The following FAM13C variants were observed in gnomAD, a reference collection of about 807,000 sequenced individuals.
FAM13C encodes the protein family with sequence similarity 13 member C.
Under a neutral mutation model 73.2 loss-of-function variants are expected in FAM13C, and 37 were observed. That is an observed-to-expected ratio of 0.51 (90% CI 0.39 to 0.67). The LOEUF (loss-of-function observed/expected upper bound fraction) is 0.67. Among genes scored for constraint, FAM13C ranks in the 30% least tolerant of loss-of-function variants. FAM13C has a pLI of 0.00. For synonymous variants in FAM13C, 246 were observed against 260.9 expected, an observed-to-expected ratio of 0.94 and a Z score of 0.55; for missense variants, 589 against 715.6, an observed-to-expected ratio of 0.82 and a Z score of 2.02.
chr10:59,267,282 A>G (rs937901133), intron 8 of FAM13C, among the ~76,000 whole-genome samples: 1 of 152,226 alleles, frequency 6.6e-6, no homozygotes, highest in Admixed American at 6.5e-5. Flanking sequence ...TTTAAAAAGC[A>G]GACACTTAAA....
chr10:59,304,716 T>C (rs1462043211), intron 4 of FAM13C, among the ~76,000 whole-genome samples: 2 of 141,406 alleles, frequency 1.4e-5, no homozygotes, highest in Admixed American at 1.5e-4. Flanking sequence ...AGTTTACCTG[T>C]GAAACAAGCC....
chr10:59,338,732 C>T (rs1853095921), intron 3 of FAM13C, among the ~76,000 whole-genome samples: 1 of 152,160 alleles, frequency 6.6e-6, no homozygotes, highest in South Asian at 2.1e-4. Flanking sequence ...AGTCATATTG[C>T]CCTATGCCCA....
intron 4 of FAM13C, among the ~76,000 whole-genome samples, chr10:59,308,134 G>A (rs998614153): frequency 2.6e-5 from 4 of 152,092 alleles, no homozygotes; most frequent in African/African-American, 9.7e-5. Flanking sequence ...TATATCAAAT[G>A]CATGCTTTTA....
chr10:59,291,938 A>T (rs375645044), intron 5 of FAM13C, among the ~76,000 whole-genome samples: 2 of 151,582 alleles, frequency 1.3e-5, no homozygotes, highest in East Asian at 1.9e-4. Context: ...ACAGGCGCCC[A>T]CCATCACGCC....
At chr10:59,337,667 CTTTTTTTTTTTTTTTTT>C (rs3078327) in intron 3 of FAM13C, among the ~76,000 whole-genome samples, 4 of 71,036 alleles carry the variant, frequency 5.6e-5, no homozygotes, top group South Asian at 1.5e-3. Flanking sequence ...TTTTCTTTTT[CTTTTTTTTTTTTTTTTT>C]TTTTTTTTTT....
At position 59,300,218 on chromosome 10, in the gene FAM13C, T is replaced by C. The variant is rs183272888; in HGVS notation, c.507+2583A>G. Among the ~76,000 whole-genome samples, 44 of 152,244 alleles carry C rather than the reference T, an allele frequency of 2.9e-4. No individual in the cohort carries two copies. The East Asian group carries it at 8.1e-3, about 28-fold the overall frequency. ...GAGCAAGTGGACAAAGAAGTACAAA[T>C]AGTAGAAGTGAAATACCAGATGTAA... On this transcript the variant is annotated intron_variant, in intron 5 of 13. Coordinates refer to ENST00000618804, the MANE Select transcript of FAM13C (RefSeq NM_198215.4).
chr10:59,301,404 C>T (rs534834725), intron 5 of FAM13C, among the ~76,000 whole-genome samples: 33 of 152,196 alleles, frequency 2.2e-4, no homozygotes, highest in African/African-American at 7.7e-4. Flanking sequence ...AGGCAATCAG[C>T]GCAGTGAGCT....
chr10:59,262,200 G>T (rs1274612156), intron 10 of FAM13C, among the ~76,000 whole-genome samples: 2 of 151,414 alleles, frequency 1.3e-5, no homozygotes, highest in African/African-American at 2.4e-5. Context: ...TGGTGTCTTT[G>T]CCATTTACTT....
chr10:59,325,822 G>A (rs1851031328), intron 3 of FAM13C, among the ~76,000 whole-genome samples: 1 of 151,984 alleles, frequency 6.6e-6, no homozygotes, highest in Non-Finnish European at 1.5e-5. Flanking sequence ...GTTAATCCTT[G>A]CAGAATTAAC....
At chr10:59,323,462 A>G (rs1009449424) in intron 4 of FAM13C, 8 of 165,508 alleles carry the variant, frequency 4.8e-5, no homozygotes, top group African/African-American at 1.9e-4. Flanking sequence ...TGCACCTGCC[A>G]TGCTGCAATC....
At chr10:59,260,989 A>G (rs1173260970) in intron 10 of FAM13C, among the ~76,000 whole-genome samples, 3 of 152,184 alleles carry the variant, frequency 2.0e-5, no homozygotes, top group East Asian at 1.9e-4. Flanking sequence ...TAACTCTACT[A>G]TATCAATCCC....
chr10:59,358,172 G>C (rs1855944572), intron 1 of FAM13C, among the ~76,000 whole-genome samples: 2 of 152,334 alleles, frequency 1.3e-5, no homozygotes, highest in South Asian at 4.1e-4. Context: ...TGAGTTGGAA[G>C]TTCAAGACCA....
intron 2 of FAM13C, 79 bp downstream of exon 2, chr10:59,355,808 C>T (rs1196261493): frequency 7.9e-7 from 1 of 1,273,198 alleles, no homozygotes; most frequent in East Asian, 2.3e-5. Context: ...AAAGAAGAGA[C>T]TAGAATTCAA....
At chr10:59,312,129 G>A (rs373036927) in intron 4 of FAM13C, among the ~76,000 whole-genome samples, 22 of 152,046 alleles carry the variant, frequency 1.4e-4, no homozygotes, top group African/African-American at 2.2e-4. Context: ...GTGGGGGTGC[G>A]GAATTTAAAC....
intron 5 of FAM13C, among the ~76,000 whole-genome samples, chr10:59,289,782 T>C (rs965724302): frequency 2.0e-5 from 3 of 152,098 alleles, no homozygotes; most frequent in Non-Finnish European, 2.9e-5. Context: ...TACAGAAAGA[T>C]GAGGGACCCT....
At position 59,252,770 on chromosome 10, in the gene FAM13C, G is replaced by C. The variant is rs184643442; in HGVS notation, c.1532+29C>G. The C allele has an allele frequency of 2.6e-5, 41 of 1,606,134 alleles. No individual in the cohort carries two copies. In the African/African-American group the frequency reaches 5.3e-4, roughly 21 times the overall value. Reference sequence around the variant, plus strand: ...GTATCAGACCAGAAGGAGTTAAGAGGAGACTCCACACTTAGGATTCATACT... The same window carrying C: ...GTATCAGACCAGAAGGAGTTAAGAGCAGACTCCACACTTAGGATTCATACT... On this transcript the variant is annotated intron_variant, in intron 12 of 13. Coordinates refer to ENST00000618804, the MANE Select transcript of FAM13C (RefSeq NM_198215.4).
At chr10:59,298,850 T>C (rs1847224889) in intron 5 of FAM13C, among the ~76,000 whole-genome samples, 1 of 152,124 alleles carries the variant, frequency 6.6e-6, no homozygotes, top group South Asian at 2.1e-4. Flanking sequence ...GTAGAATCAA[T>C]GAATGTTAAA....
intron 4 of FAM13C, chr10:59,323,555 G>GAGTACAC (rs2134025597): frequency 5.2e-6 from 1 of 193,264 alleles, no homozygotes; most frequent in African/African-American, 2.4e-5. Flanking sequence ...TTCAGACTAT[G>GAGTACAC]AGTACACAGC....
At chr10:59,329,342 G>GTTTTTT (rs71006247) in intron 3 of FAM13C, among the ~76,000 whole-genome samples, 5 of 77,304 alleles carry the variant, frequency 6.5e-5, no homozygotes, top group Non-Finnish European at 9.9e-5. Context: ...TTTCTTTCTG[G>GTTTTTT]TTTTTTTTTT....
Sources: gnomAD v4.1 joint callset for allele counts (sites outside exome capture counted in the v4.1 genomes callset) on GRCh38, gnomAD v4.1.1 for gene constraint, MANE v1.5 for transcripts, NCBI Gene and HGNC (gene_info 2026-07-23, HGNC 2026-07-21) for gene names.